CCNYL1: variants seen among roughly 807,000 people sequenced by gnomAD.
CCNYL1 encodes cyclin Y like 1.
CCNYL1 carries 16 observed loss-of-function variants against 44.2 expected under a neutral mutation model. The ratio of observed to expected loss-of-function variants is 0.36; its 90% confidence interval spans 0.25 to 0.55. The LOEUF (loss-of-function observed/expected upper bound fraction) is 0.55, where lower values mean the gene tolerates loss of function less well. Among genes scored for constraint, CCNYL1 ranks in the 20% least tolerant of loss-of-function variants. The pLI is 0.85. For missense variants in CCNYL1, 348 were observed against 451.8 expected (o/e 0.77, Z 2.08); for synonymous variants, 159 against 163.2 (o/e 0.97, Z 0.20).
chr2:207,724,862 T>C lies in CCNYL1; in HGVS notation c.283T>C (p.Ser95Pro). ...PRASTIFLSK[S>P]QTDVREKRKS... is the part of the protein sequence containing the mutation. ...GGCAAGCACAATTTTCCTGAGCAAA[T>C]CTCAAACGGATGGTAAGACAATACT... Residue 95 changes from serine to proline, a missense_variant, in exon 2 of 10, where the codon TCT (serine) becomes CCT (proline). Coordinates refer to ENST00000295414, the MANE Select transcript of CCNYL1 (RefSeq NM_001330218.2). The C allele has an allele frequency of 6.2e-7, 1 of 1,612,186 alleles. No individual in the cohort carries two copies. The highest frequency in any genetic ancestry group is 8.5e-7 in the Non-Finnish European group (1 of 1,179,110).
rs1235146696 is a variant in CCNYL1 at position 207,754,533 on chromosome 2, G to C, written c.*835G>C. On this transcript the variant is annotated 3_prime_UTR_variant, in exon 10 of 10. Coordinates refer to ENST00000295414, the MANE Select transcript of CCNYL1 (RefSeq NM_001330218.2). ...GAAAAAGTGAAGCAGTTTTAAGCTT[G>C]AATATAGTTTGGGCCCTCCAAGGCA... The C allele has an allele frequency of 6.6e-6, 1 of 152,606 alleles. No homozygotes were observed. Among genetic ancestry groups the C allele is most frequent in the Non-Finnish European group, 1.5e-5 (1 of 68,050 alleles). 9.5% of individuals were successfully genotyped at this position (152,606 alleles called of 1,614,324 possible). A position where few individuals can be genotyped will look rare whatever the true frequency, so the allele number is the denominator to read the frequency against.
At position 207,711,749 on chromosome 2, in the gene CCNYL1, G is replaced by A. The variant is rs901982778; in HGVS notation, c.-148G>A. 2.4e-6 allele frequency: 1 copy of A among 410,694 alleles called. No individual in the cohort carries two copies. The highest frequency in any genetic ancestry group is 4.1e-5 in the East Asian group (1 of 24,102). 25.4% of individuals were successfully genotyped at this position (410,694 alleles called of 1,614,324 possible). On this transcript the variant is annotated 5_prime_UTR_variant, in exon 1 of 10. Coordinates refer to ENST00000295414, the MANE Select transcript of CCNYL1 (RefSeq NM_001330218.2). Reference sequence around the variant, plus strand: ...CGGGGCGGGCGGGCGAACCGCGGGCGAGGCGGCGTCTGCTTGCGCGGTGCA... The same window carrying A: ...CGGGGCGGGCGGGCGAACCGCGGGCAAGGCGGCGTCTGCTTGCGCGGTGCA...
intron 1 of CCNYL1, among the ~76,000 whole-genome samples, chr2:207,713,986 A>T (rs575758260): frequency 6.6e-6 from 1 of 152,190 alleles, no homozygotes; most frequent in African/African-American, 2.4e-5. Flanking sequence ...CCCAGTGTAC[A>T]TGAAAATACA....
chr2:207,730,563 G>A (rs2091718885), intron 3 of CCNYL1, among the ~76,000 whole-genome samples: 1 of 152,098 alleles, frequency 6.6e-6, no homozygotes. Flanking sequence ...TTCCAGACCA[G>A]CCTTGCCAAC....
rs781714597 is a variant in CCNYL1, at chr2:207,737,945, A to G, written c.467+499A>G. Among the ~76,000 whole-genome samples, 23 of 152,208 alleles carry G rather than the reference A, an allele frequency of 1.5e-4. 1 individual carries two copies. Among genetic ancestry groups the G allele is most frequent in the Non-Finnish European group, 2.8e-4 (19 of 68,032 alleles). ...TAAAATGTGTCATGTATTTATATAT[A>G]TACAACTCTCTAGTGTCCAGCTTAA... is the stretch of plus-strand genomic sequence containing the variant. On this transcript the variant is annotated intron_variant, in intron 5 of 9. Coordinates refer to ENST00000295414, the MANE Select transcript of CCNYL1 (RefSeq NM_001330218.2).
intron 1 of CCNYL1, among the ~76,000 whole-genome samples, chr2:207,715,764 C>T (rs1313956827): frequency 2.7e-5 from 4 of 150,460 alleles, no homozygotes; most frequent in Non-Finnish European, 5.9e-5. Context: ...GTAACCTCTG[C>T]GCCCAGAGTT....
intron 1 of CCNYL1, chr2:207,714,353 C>G (rs996417924): frequency 7.7e-6 from 3 of 391,742 alleles, no homozygotes; most frequent in Non-Finnish European, 1.4e-5. Context: ...GAAAGAGTCT[C>G]ACTGTGTTGA....
intron 1 of CCNYL1, among the ~76,000 whole-genome samples, chr2:207,714,170 C>G (rs898747919): frequency 5.3e-5 from 8 of 152,148 alleles, no homozygotes; most frequent in African/African-American, 1.9e-4. Flanking sequence ...ATACCAAGTT[C>G]AGTTCTTAAA....
At chr2:207,724,213 T>C (rs984956265) in intron 1 of CCNYL1, among the ~76,000 whole-genome samples, 2 of 152,236 alleles carry the variant, frequency 1.3e-5, no homozygotes, top group African/African-American at 4.8e-5. Context: ...CATGTTTCTG[T>C]ATGTTAGAAC....
At chr2:207,734,132 T>G (rs929890323) in intron 4 of CCNYL1, 85 bp downstream of exon 4, 28 of 778,734 alleles carry the variant, frequency 3.6e-5, no homozygotes, top group Non-Finnish European at 5.4e-5. Flanking sequence ...ATTTCAGCCA[T>G]TTGATTGTCC....
chr2:207,754,611 T>G lies in CCNYL1; in HGVS notation c.*913T>G, dbSNP rs909287707. ...CCTTTAAAAAACATGATTTGAAAGT[T>G]TTTTGTTTTGTTTTGTTTGTTTTTA... On this transcript the variant is annotated 3_prime_UTR_variant, in exon 10 of 10. Transcript: ENST00000295414. The G allele has an allele frequency of 2.6e-5, 4 of 152,328 alleles. No individual in the cohort carries two copies. Among genetic ancestry groups the G allele is most frequent in the African/African-American group, 7.2e-5 (3 of 41,410 alleles). The allele number at this position is 152,328 out of a possible 1,614,324, so 9.4% of individuals were successfully genotyped here.
chr2:207,739,936 G>C (rs1031070247), intron 5 of CCNYL1, among the ~76,000 whole-genome samples: 2 of 151,994 alleles, frequency 1.3e-5, no homozygotes, highest in Non-Finnish European at 2.9e-5. Flanking sequence ...CAATACCTTA[G>C]TATTCTTTTT....
In CCNYL1 at chr2:207,754,672, A is replaced by C. The variant is rs73060879; in HGVS notation, c.*974A>C. The C allele has an allele frequency of 0.013, 2,056 of 153,438 alleles. 43 individuals are homozygous for C. Among genetic ancestry groups the C allele is most frequent in the African/African-American group, 0.047 (1,950 of 41,564 alleles). The allele number at this position is 153,438 out of a possible 1,614,324, so 9.5% of individuals were successfully genotyped here. On this transcript the variant is annotated 3_prime_UTR_variant, in exon 10 of 10. Transcript: ENST00000295414. ...GGTCTTACTGCGTTGTCCAGGCTGG[A>C]GTGCAGTGGCTTTTCACAGGTGCAA...
intron 4 of CCNYL1, among the ~76,000 whole-genome samples, chr2:207,737,064 T>C (rs1047890812): frequency 2.0e-5 from 3 of 152,130 alleles, no homozygotes; most frequent in Admixed American, 6.6e-5. Context: ...TACAGGCGCC[T>C]GCTACCACGC....
rs751061893 is a variant in CCNYL1 at position 207,751,018 on chromosome 2, G to A, written c.868G>A (p.Val290Ile). The change falls in exon 9 of 10, where the codon GTT becomes ATT. Residue 290 changes from valine to isoleucine, a missense_variant. This residue lies in a region of CCNYL1 where 94 missense variants were observed against 102.4 expected (regional missense o/e 0.92). Transcript: ENST00000295414. ...LQFNINVPAS[V>I]YAKYYFDLRS... ...GTTTAATATTAATGTTCCTGCCAGT[G>A]TTTATGCCAAATACTACTTTGACCT... 1.5e-5 allele frequency: 24 copies of A among 1,613,822 alleles called. 3 individuals carry two copies. The South Asian group carries it at 2.6e-4, about 18-fold the overall frequency.
At chr2:207,723,735 C>T (rs1194570662) in intron 1 of CCNYL1, among the ~76,000 whole-genome samples, 1 of 151,892 alleles carries the variant, frequency 6.6e-6, no homozygotes, top group East Asian at 1.9e-4. Context: ...AATTAGCCGG[C>T]GTGGTGGCAG....
At chr2:207,750,925 G>A (rs763521730) in intron 8 of CCNYL1, 32 bp from the exon 9 acceptor site, 76 of 1,604,942 alleles carry the variant, frequency 4.7e-5, no homozygotes, top group Non-Finnish European at 6.0e-5. Flanking sequence ...ACATTGTCCT[G>A]TGCTGGTTCT....
At chr2:207,716,540 A>C (rs1237039500) in intron 1 of CCNYL1, among the ~76,000 whole-genome samples, 2 of 152,154 alleles carry the variant, frequency 1.3e-5, no homozygotes, top group African/African-American at 4.8e-5. Flanking sequence ...ACATCCAGAG[A>C]GTGCTCCAAG....
chr2:207,746,500 C>T (rs1015550765), intron 7 of CCNYL1, among the ~76,000 whole-genome samples: 1 of 152,128 alleles, frequency 6.6e-6, no homozygotes, highest in Non-Finnish European at 1.5e-5. Flanking sequence ...CTGAGATGTC[C>T]AGTCATTCCT....
Sources: allele counts gnomAD v4.1 joint callset (sites outside exome capture counted in the v4.1 genomes callset), GRCh38; gene constraint gnomAD v4.1.1; regional missense constraint gnomAD v4.1.1; transcripts MANE v1.5; gene names NCBI Gene and HGNC (gene_info 2026-07-23, HGNC 2026-07-21).